The following ANKFN1 variants were observed in gnomAD, a reference collection of about 807,000 sequenced individuals.
The protein encoded by ANKFN1 is ankyrin repeat and fibronectin type-III domain-containing protein 1.
ANKFN1 carries 74 observed loss-of-function variants against 108.7 expected under a neutral mutation model. The ratio of observed to expected loss-of-function variants is 0.68; its 90% CI spans 0.56 to 0.83. ANKFN1 has a LOEUF of 0.83. Ranked by LOEUF, ANKFN1 falls within the 40% of genes least tolerant of loss-of-function variation. The pLI, the probability that ANKFN1 is intolerant of heterozygous loss-of-function variation, is 0.00. For synonymous variants in ANKFN1, 547 were observed against 516.2 expected, an observed-to-expected ratio of 1.06 and a Z score of -0.81; for missense variants, 1,505 against 1,382.3, an observed-to-expected ratio of 1.09 and a Z score of -1.41.
intron 1 of ANKFN1, among the ~76,000 whole-genome samples, chr17:56,185,766 C>T (rs893521738): frequency 6.6e-5 from 10 of 152,096 alleles, no homozygotes; most frequent in African/African-American, 1.9e-4. Context: ...TACCAATCTA[C>T]GAGATTGGCC....
chr17:56,206,492 T>C (rs1464339603), intron 1 of ANKFN1: 3 of 152,276 alleles, frequency 2.0e-5, no homozygotes, highest in South Asian at 2.1e-4. Flanking sequence ...GTAGGAAATA[T>C]GCATGAAGAA....
chr17:56,078,875 G>C (rs1162622935), intron 4 of ANKFN1, among the ~76,000 whole-genome samples: 1 of 152,138 alleles, frequency 6.6e-6, no homozygotes, highest in East Asian at 1.9e-4. Context: ...AGTTGGTGAG[G>C]TGTTAAGTCT....
At chr17:56,125,094 CCT>C (rs143526324) in intron 4 of ANKFN1, among the ~76,000 whole-genome samples, 1,647 of 152,338 alleles carry the variant, frequency 0.011, 26 homozygotes, top group African/African-American at 0.037. Flanking sequence ...TTCCTAATCA[CCT>C]CAACTTACAT....
intron 1 of ANKFN1, among the ~76,000 whole-genome samples, chr17:56,187,722 C>A (rs1466444430): frequency 1.3e-5 from 2 of 152,232 alleles, no homozygotes; most frequent in East Asian, 3.9e-4. Context: ...GAAAATGTGG[C>A]ACATATACAC....
intron 8 of ANKFN1, among the ~76,000 whole-genome samples, chr17:56,395,628 C>T (rs2047558105): frequency 1.3e-5 from 2 of 152,158 alleles, no homozygotes; most frequent in Non-Finnish European, 2.9e-5. Flanking sequence ...GCAGGCAGAT[C>T]AATTGAGGTC....
chr17:56,313,084 G>A (rs967836787), intron 3 of ANKFN1, among the ~76,000 whole-genome samples: 3 of 151,604 alleles, frequency 2.0e-5, no homozygotes, highest in Non-Finnish European at 2.9e-5. Flanking sequence ...AAGCGGGGAG[G>A]CGAGGTTGCA....
intron 8 of ANKFN1, among the ~76,000 whole-genome samples, chr17:56,427,217 G>A (rs1248601155): frequency 6.6e-6 from 1 of 152,098 alleles, no homozygotes; most frequent in African/African-American, 2.4e-5. Context: ...TCTCACCTTA[G>A]CTTACATGTC....
At chr17:56,455,603 A>C (rs920694893) in intron 11 of ANKFN1, among the ~76,000 whole-genome samples, 1 of 152,222 alleles carries the variant, frequency 6.6e-6, no homozygotes, top group Non-Finnish European at 1.5e-5. Context: ...TGGTGATACC[A>C]ACAACCTCAT....
intron 11 of ANKFN1, among the ~76,000 whole-genome samples, chr17:56,452,416 T>C (rs2049520292): frequency 2.6e-5 from 4 of 152,216 alleles, no homozygotes; most frequent in Admixed American, 2.6e-4. Flanking sequence ...AACCTTACTA[T>C]GTTACAGTAA....
chr17:56,467,795 AAAG>A (rs1568026362), intron 15 of ANKFN1, among the ~76,000 whole-genome samples: 14 of 17,716 alleles, frequency 7.9e-4, no homozygotes, highest in East Asian at 8.3e-3. Flanking sequence ...AAGAAAGAAG[AAAG>A]AAAGAAAGAA....
chr17:56,047,407 G>A (rs1479174724), intron 4 of ANKFN1, among the ~76,000 whole-genome samples: 6 of 152,154 alleles, frequency 3.9e-5, no homozygotes, highest in South Asian at 2.1e-4. Flanking sequence ...TATCCTTAGA[G>A]CTGGCTTTGA....
rs192507705 is a variant in ANKFN1 at position 56,276,845 on chromosome 17, A to G, written c.53+48888A>G. Among the ~76,000 whole-genome samples, 120 of 152,194 alleles carry G rather than the reference A, an allele frequency of 7.9e-4. 1 individual carries two copies. Among genetic ancestry groups the G allele is most frequent in the Admixed American group, 5.6e-3 (86 of 15,288 alleles). Reference sequence around the variant, plus strand: ...CCTCTCCTCCAATTTTTTCTCATCCATGATGTATTTCAATTCATCATAGGG... The same window carrying G: ...CCTCTCCTCCAATTTTTTCTCATCCGTGATGTATTTCAATTCATCATAGGG... On this transcript the variant is annotated intron_variant, in intron 3 of 20. Transcript: ENST00000682825.
intron 4 of ANKFN1, among the ~76,000 whole-genome samples, chr17:56,143,944 T>C (rs1280701210): frequency 6.6e-6 from 1 of 152,012 alleles, no homozygotes; most frequent in Non-Finnish European, 1.5e-5. Flanking sequence ...CCCCCAGAAC[T>C]GTGAGAGGTT....
intron 4 of ANKFN1, among the ~76,000 whole-genome samples, chr17:56,069,618 C>A (rs769541445): frequency 4.6e-5 from 7 of 152,118 alleles, no homozygotes; most frequent in Non-Finnish European, 8.8e-5. Context: ...TTACCACAAA[C>A]TAGGTGGCTT....
At chr17:56,078,961 A>G (rs1598089866) in intron 4 of ANKFN1, among the ~76,000 whole-genome samples, 1 of 152,198 alleles carries the variant, frequency 6.6e-6, no homozygotes, top group South Asian at 2.1e-4. Flanking sequence ...TTCAAAGTAC[A>G]CCACACTGGC....
At chr17:56,241,384 A>G (rs1325168169) in intron 3 of ANKFN1, among the ~76,000 whole-genome samples, 1 of 152,178 alleles carries the variant, frequency 6.6e-6, no homozygotes, top group East Asian at 1.9e-4. Context: ...CAACTCATCC[A>G]GCATGATGTA....
intron 1 of ANKFN1, among the ~76,000 whole-genome samples, chr17:56,163,544 G>A (rs188658067): frequency 2.6e-5 from 4 of 152,302 alleles, no homozygotes; most frequent in East Asian, 3.9e-4. Flanking sequence ...GACCCATGCC[G>A]ACTTTCATAC....
chr17:56,312,884 C>T (rs1263214771), intron 3 of ANKFN1, among the ~76,000 whole-genome samples: 1 of 152,072 alleles, frequency 6.6e-6, no homozygotes, highest in African/African-American at 2.4e-5. Context: ...GGGGCGGGCA[C>T]GGTGGCTCAT....
intron 19 of ANKFN1, among the ~76,000 whole-genome samples, chr17:56,497,129 T>A (rs939187782): frequency 6.6e-6 from 1 of 152,120 alleles, no homozygotes; most frequent in African/African-American, 2.4e-5. Context: ...TCAACAAGCT[T>A]ATGTTGCATG....
Sources: allele counts gnomAD v4.1 joint callset (sites outside exome capture counted in the v4.1 genomes callset), GRCh38; gene constraint gnomAD v4.1.1; transcripts MANE v1.5; gene names NCBI Gene and HGNC (gene_info 2026-07-23, HGNC 2026-07-21).